LRRC4C: variants seen among roughly 807,000 people sequenced by gnomAD.
LRRC4C encodes the protein leucine rich repeat containing 4C, also known as leucine-rich repeat-containing protein 4C.
Under a neutral mutation model 33.6 loss-of-function variants are expected in LRRC4C, and 5 were observed. That is an observed-to-expected ratio of 0.15 (90% CI 0.08 to 0.31). The LOEUF (loss-of-function observed/expected upper bound fraction) is 0.31. Ranked by LOEUF, LRRC4C falls within the 10% of genes least tolerant of loss-of-function variation. LRRC4C has a pLI of 1.00. For missense variants in LRRC4C, 560 were observed against 796.7 expected (o/e 0.70, Z 3.58); for synonymous variants, 329 against 302.0 (o/e 1.09, Z -0.93).
intron 2 of LRRC4C, among the ~76,000 whole-genome samples, chr11:40,668,140 A>T (rs1320100033): frequency 6.6e-6 from 1 of 152,214 alleles, no homozygotes; most frequent in African/African-American, 2.4e-5. Flanking sequence ...CATGCTTCTG[A>T]TGATACTAAT....
chr11:40,229,157 T>C (rs1865018358), intron 5 of LRRC4C, among the ~76,000 whole-genome samples: 1 of 152,164 alleles, frequency 6.6e-6, no homozygotes, highest in Non-Finnish European at 1.5e-5. Flanking sequence ...ATAATTGTCT[T>C]CTTTATCTAT....
intron 1 of LRRC4C, among the ~76,000 whole-genome samples, chr11:41,008,127 A>C (rs1040914937): frequency 6.6e-6 from 1 of 152,092 alleles, no homozygotes; most frequent in Admixed American, 6.6e-5. Context: ...CTTTTCAGTA[A>C]TCATACCCAA....
At chr11:40,918,371 CATATTTAT>C (rs148307232) in intron 2 of LRRC4C, among the ~76,000 whole-genome samples, 5,137 of 151,462 alleles carry the variant, frequency 0.034, 289 homozygotes, top group African/African-American at 0.12. Context: ...CCTGCAAATG[CATATTTAT>C]ATATTTATAT....
At chr11:40,590,221 C>A (rs1218606833) in intron 3 of LRRC4C, among the ~76,000 whole-genome samples, 1 of 151,702 alleles carries the variant, frequency 6.6e-6, no homozygotes, top group African/African-American at 2.4e-5. Context: ...GCTTCATTTT[C>A]TTCATTTCAT....
intron 2 of LRRC4C, among the ~76,000 whole-genome samples, chr11:40,832,407 T>TACAC (rs1401956918): frequency 6.6e-6 from 1 of 152,198 alleles, no homozygotes; most frequent in African/African-American, 2.4e-5. Context: ...AATGTAAAGA[T>TACAC]ACATTTTAGT....
chr11:41,408,200 A>T (rs972434503), intron 1 of LRRC4C, among the ~76,000 whole-genome samples: 2 of 152,228 alleles, frequency 1.3e-5, no homozygotes, highest in African/African-American at 4.8e-5. Flanking sequence ...ATTTAATTGT[A>T]AAATTCATAG....
chr11:40,768,534 A>G (rs1459626284), intron 2 of LRRC4C, among the ~76,000 whole-genome samples: 2 of 152,130 alleles, frequency 1.3e-5, no homozygotes, highest in Non-Finnish European at 2.9e-5. Context: ...AAAAGGAGAC[A>G]CCACAAAAAG....
intron 5 of LRRC4C, among the ~76,000 whole-genome samples, chr11:40,164,310 G>A (rs948079387): frequency 5.3e-5 from 8 of 152,152 alleles, no homozygotes; most frequent in Admixed American, 2.0e-4. Flanking sequence ...AGAGAATATC[G>A]GCTCACTGCA....
chr11:40,269,367 T>C (rs1942517096), intron 4 of LRRC4C, among the ~76,000 whole-genome samples: 1 of 152,202 alleles, frequency 6.6e-6, no homozygotes, highest in Non-Finnish European at 1.5e-5. Context: ...AATTTAATGA[T>C]ATCAGAATGA....
At chr11:40,400,399 AC>A (rs1565351476) in intron 3 of LRRC4C, among the ~76,000 whole-genome samples, 2 of 152,138 alleles carry the variant, frequency 1.3e-5, no homozygotes, top group Non-Finnish European at 2.9e-5. Context: ...TTTTAAAATT[AC>A]AATATATTTA....
At position 40,639,237 on chromosome 11, in the gene LRRC4C, A is replaced by C. The variant is rs546292275; in HGVS notation, c.-270+8905T>G. 3.3e-5 allele frequency among the ~76,000 whole-genome samples: 5 copies of C among 152,260 alleles called. No homozygotes were observed. The South Asian group carries it at 1.0e-3, about 32-fold the overall frequency. On this transcript the variant is annotated intron_variant, in intron 3 of 6. Coordinates refer to ENST00000528697, the MANE Select transcript of LRRC4C (RefSeq NM_001258419.2). ...AGCAAATATAATATCATGTGGTATAATTTTCTTTTGCCAAATCAAATGAAG... is the reference window on the plus strand; with the variant it reads ...AGCAAATATAATATCATGTGGTATACTTTTCTTTTGCCAAATCAAATGAAG...
intron 2 of LRRC4C, among the ~76,000 whole-genome samples, chr11:40,888,390 A>G (rs925273572): frequency 6.6e-6 from 1 of 151,996 alleles, no homozygotes; most frequent in Admixed American, 6.6e-5. Flanking sequence ...TAAATTTTAT[A>G]TCTAAAGACA....
At chr11:40,656,737 A>G (rs764314737) in intron 2 of LRRC4C, among the ~76,000 whole-genome samples, 2 of 152,188 alleles carry the variant, frequency 1.3e-5, no homozygotes, top group Non-Finnish European at 2.9e-5. Flanking sequence ...TTTCCACCTA[A>G]AAGTGTTATA....
At chr11:40,362,020 C>G (rs913298697) in intron 3 of LRRC4C, among the ~76,000 whole-genome samples, 7 of 152,112 alleles carry the variant, frequency 4.6e-5, no homozygotes, top group Non-Finnish European at 1.0e-4. Context: ...GGAAAGGATT[C>G]CCTATTCAAT....
At chr11:40,276,933 G>A (rs563322057) in intron 4 of LRRC4C, among the ~76,000 whole-genome samples, 20 of 152,166 alleles carry the variant, frequency 1.3e-4, no homozygotes, top group African/African-American at 4.3e-4. Flanking sequence ...GTACCTTCAT[G>A]GGAAAGGTGG....
chr11:40,345,647 T>C (rs964597354), intron 3 of LRRC4C, among the ~76,000 whole-genome samples: 7 of 152,074 alleles, frequency 4.6e-5, no homozygotes, highest in African/African-American at 1.7e-4. Context: ...CGGCAAAAAT[T>C]TCATGATGAG....
At position 40,256,137 on chromosome 11, in the gene LRRC4C, A is replaced by C. The variant is rs78998694; in HGVS notation, c.-175-14539T>G. Among the ~76,000 whole-genome samples, 67 of 152,344 alleles carry C rather than the reference A, an allele frequency of 4.4e-4. 1 individual carries two copies. Among genetic ancestry groups the C allele is most frequent in the African/African-American group, 1.6e-3 (66 of 41,582 alleles). On this transcript the variant is annotated intron_variant, in intron 4 of 6. Coordinates refer to ENST00000528697, the MANE Select transcript of LRRC4C (RefSeq NM_001258419.2). ...GCAGAGCAACATCTGCCAACTGACT[A>C]TAAGGATTTGATAGCAAAGCTCTCT...
chr11:40,238,305 TA>T (rs1257656598), intron 5 of LRRC4C, among the ~76,000 whole-genome samples: 1 of 152,196 alleles, frequency 6.6e-6, no homozygotes, highest in Non-Finnish European at 1.5e-5. Flanking sequence ...TAAATATCTG[TA>T]AGTTTTGAAT....
At chr11:40,989,421 A>C (rs1213746284) in intron 1 of LRRC4C, among the ~76,000 whole-genome samples, 1 of 152,146 alleles carries the variant, frequency 6.6e-6, no homozygotes, top group African/African-American at 2.4e-5. Flanking sequence ...TGGTTAAGGA[A>C]AATGCCTATA....
Sources: gnomAD v4.1 joint callset for allele counts (sites outside exome capture counted in the v4.1 genomes callset) on GRCh38, gnomAD v4.1.1 for gene constraint, MANE v1.5 for transcripts, NCBI Gene and HGNC (gene_info 2026-07-23, HGNC 2026-07-21) for gene names.